Variants in SMYD3 observed in about 807,000 individuals in gnomAD.
SMYD3 encodes histone-lysine N-methyltransferase SMYD3.
A neutral mutation model predicts 57.7 loss-of-function variants in SMYD3; 36 were observed. The observed-to-expected ratio is 0.62, with a 90% CI of 0.48 to 0.82. The LOEUF (loss-of-function observed/expected upper bound fraction) is 0.82, where lower values mean the gene tolerates loss of function less well. Ranked by LOEUF, SMYD3 falls within the 40% of genes least tolerant of loss-of-function variation. SMYD3 has a pLI of 0.00. For missense variants in SMYD3, 515 were observed against 538.8 expected (o/e 0.96, Z 0.44); for synonymous variants, 211 against 195.0 (o/e 1.08, Z -0.68).
chr1:245,798,544 T>G (rs2047699689), intron 10 of SMYD3, among the ~76,000 whole-genome samples: 1 of 138,644 alleles, frequency 7.2e-6, no homozygotes, highest in Non-Finnish European at 1.6e-5. Context: ...CCCAGCTTCT[T>G]AATCTGCCCA....
At chr1:246,367,261 T>C (rs764262706) in intron 1 of SMYD3, among the ~76,000 whole-genome samples, 3 of 152,184 alleles carry the variant, frequency 2.0e-5, no homozygotes, top group Non-Finnish European at 4.4e-5. Context: ...GTATATTTGC[T>C]AGACATGAGG....
intron 5 of SMYD3, among the ~76,000 whole-genome samples, chr1:246,177,052 T>G (rs2062446953): frequency 6.6e-6 from 1 of 152,232 alleles, no homozygotes; most frequent in African/African-American, 2.4e-5. Context: ...CACTGTGATT[T>G]ATATTTGGCC....
At chr1:246,318,917 T>C (rs576705355) in intron 5 of SMYD3, among the ~76,000 whole-genome samples, 1 of 152,358 alleles carries the variant, frequency 6.6e-6, no homozygotes, top group South Asian at 2.1e-4. Context: ...CAACTCATCA[T>C]AGGTTATTAA....
chr1:245,988,196 T>A (rs574954733), intron 5 of SMYD3, among the ~76,000 whole-genome samples: 1 of 151,998 alleles, frequency 6.6e-6, no homozygotes, highest in African/African-American at 2.4e-5. Context: ...CCCTGCCCAG[T>A]CCTAACCAAC....
intron 10 of SMYD3, among the ~76,000 whole-genome samples, chr1:245,839,906 A>G (rs2050316833): frequency 6.6e-6 from 1 of 152,202 alleles, no homozygotes; most frequent in South Asian, 2.1e-4. Flanking sequence ...ACAAAATAAG[A>G]ATAGGGAGCC....
intron 5 of SMYD3, among the ~76,000 whole-genome samples, chr1:246,224,682 G>C (rs1160502502): frequency 6.6e-6 from 1 of 152,020 alleles, no homozygotes; most frequent in Non-Finnish European, 1.5e-5. Context: ...GCTCAGGCAA[G>C]ATATGATGTT....
chr1:245,910,417 C>T (rs2054882824), intron 8 of SMYD3, among the ~76,000 whole-genome samples: 1 of 152,054 alleles, frequency 6.6e-6, no homozygotes, highest in Non-Finnish European at 1.5e-5. Flanking sequence ...ATCAATGACA[C>T]TCTGCACATG....
At position 245,996,793 on chromosome 1, in the gene SMYD3, C is replaced by T. The variant is rs12073673; in HGVS notation, c.532-66856G>A. 3.2e-3 allele frequency among the ~76,000 whole-genome samples: 488 copies of T among 151,648 alleles called. 7 individuals carry two copies. Among genetic ancestry groups the T allele is most frequent in the African/African-American group, 0.011 (449 of 41,570 alleles). On this transcript the variant is annotated intron_variant, in intron 5 of 11. Coordinates refer to ENST00000490107, the MANE Select transcript of SMYD3 (RefSeq NM_001167740.2). ...CAAACTAGGGACACCTACAGAAACA[C>T]AGAAAGTTCAAAGCCTATGGGAGGG...
At chr1:246,012,968 G>A (rs2059310441) in intron 5 of SMYD3, among the ~76,000 whole-genome samples, 1 of 152,138 alleles carries the variant, frequency 6.6e-6, no homozygotes, top group South Asian at 2.1e-4. Context: ...TGCTACAAAA[G>A]AGCATGCTCC....
intron 5 of SMYD3, among the ~76,000 whole-genome samples, chr1:246,314,302 T>C (rs2065123504): frequency 6.6e-6 from 1 of 152,202 alleles, no homozygotes; most frequent in Admixed American, 6.5e-5. Context: ...TAATTAGGGC[T>C]CTAACAGAGA....
chr1:246,479,200 T>C (rs544124644), intron 1 of SMYD3, among the ~76,000 whole-genome samples: 1 of 149,040 alleles, frequency 6.7e-6, no homozygotes, highest in Admixed American at 6.6e-5. Flanking sequence ...CTCATATAGT[T>C]ACACCTGTCC....
chr1:245,961,677 A>G (rs978842488), intron 5 of SMYD3, among the ~76,000 whole-genome samples: 2 of 152,126 alleles, frequency 1.3e-5, no homozygotes, highest in East Asian at 3.8e-4. Context: ...TGTGTAGCCT[A>G]GGACAGTGGT....
intron 5 of SMYD3, among the ~76,000 whole-genome samples, chr1:246,113,254 A>G (rs2061284700): frequency 6.6e-6 from 1 of 151,858 alleles, no homozygotes; most frequent in Non-Finnish European, 1.5e-5. Context: ...GAGACTACCC[A>G]TTGTTTCCAC....
At chr1:246,359,444 A>G (rs556832461) in intron 1 of SMYD3, among the ~76,000 whole-genome samples, 1 of 152,336 alleles carries the variant, frequency 6.6e-6, no homozygotes, top group South Asian at 2.1e-4. Context: ...GAAAAAGGGA[A>G]TCCTCCTTAA....
chr1:246,356,679 G>A (rs1425535892), intron 1 of SMYD3, among the ~76,000 whole-genome samples: 1 of 152,072 alleles, frequency 6.6e-6, no homozygotes, highest in Non-Finnish European at 1.5e-5. Context: ...AATCGAACAA[G>A]CAGAAAAAAG....
chr1:245,889,514 T>A (rs956155861), intron 8 of SMYD3, among the ~76,000 whole-genome samples: 4 of 152,176 alleles, frequency 2.6e-5, no homozygotes, highest in African/African-American at 7.2e-5. Flanking sequence ...AGGGTCAAAG[T>A]GTGGGTGACC....
intron 2 of SMYD3, among the ~76,000 whole-genome samples, chr1:246,338,834 T>C (rs1296094336): frequency 6.6e-6 from 1 of 152,206 alleles, no homozygotes; most frequent in Non-Finnish European, 1.5e-5. Context: ...TCTTGAGGGT[T>C]GTTTGAGAAA....
At position 246,174,540 on chromosome 1, in the gene SMYD3, A is replaced by G. The variant is rs113512573; in HGVS notation, c.531+152661T>C. Among the ~76,000 whole-genome samples the G allele has an allele frequency of 1.6e-3, 247 of 152,232 alleles. 1 individual carries two copies. The highest frequency in any genetic ancestry group is 5.5e-3 in the African/African-American group (229 of 41,548). ...AAGCCCACTGCAGCCTCTGCCTCCC[A>G]GGCTCAAGAAATTCTCCTACCTCAG... On this transcript the variant is annotated intron_variant, in intron 5 of 11. Coordinates refer to ENST00000490107, the MANE Select transcript of SMYD3 (RefSeq NM_001167740.2).
At chr1:246,438,887 ATC>A (rs1558465303) in intron 1 of SMYD3, among the ~76,000 whole-genome samples, 2 of 151,606 alleles carry the variant, frequency 1.3e-5, no homozygotes, top group East Asian at 3.9e-4. Flanking sequence ...TCCCGTGAGA[ATC>A]TAATGCCGCT....
Sources: gnomAD v4.1 joint callset for allele counts (sites outside exome capture counted in the v4.1 genomes callset) on GRCh38, gnomAD v4.1.1 for gene constraint, MANE v1.5 for transcripts, NCBI Gene and HGNC (gene_info 2026-07-23, HGNC 2026-07-21) for gene names.